VPS13B: variants seen among roughly 807,000 people sequenced by gnomAD.
VPS13B encodes the protein vacuolar protein sorting 13 homolog B.
A neutral mutation model predicts 426.4 loss-of-function variants in VPS13B; 285 were observed. The ratio of observed to expected loss-of-function variants is 0.67; its 90% CI spans 0.61 to 0.74. The LOEUF (loss-of-function observed/expected upper bound fraction) is 0.74. VPS13B is among the 30% of genes least tolerant of loss of function. The probability of loss-of-function intolerance (pLI) is 0.00; values close to 1 mark genes in which losing one functional copy is unlikely to be tolerated. For missense variants in VPS13B, 4,537 were observed against 4,782.6 expected (o/e 0.95, Z 1.51); for synonymous variants, 1,676 against 1,676.4 (o/e 1.00, Z 0.01).
chr8:99,344,518 T>G (rs1189459562), intron 19 of VPS13B, among the ~76,000 whole-genome samples: 1 of 152,202 alleles, frequency 6.6e-6, no homozygotes, highest in African/African-American at 2.4e-5. Flanking sequence ...TACTCTAAAG[T>G]AGCAGTACCA....
At chr8:99,514,286 T>C (rs1471522496) in intron 29 of VPS13B, among the ~76,000 whole-genome samples, 1 of 152,228 alleles carries the variant, frequency 6.6e-6, no homozygotes, top group East Asian at 1.9e-4. Context: ...TTCTCTTTTT[T>C]ATTGTGGTAA....
intron 22 of VPS13B, among the ~76,000 whole-genome samples, chr8:99,439,780 A>G (rs1181280872): frequency 6.6e-6 from 1 of 152,130 alleles, no homozygotes; most frequent in Non-Finnish European, 1.5e-5. Flanking sequence ...TTAATGGGTA[A>G]ATAAAACCTA....
chr8:99,375,238 A>G (rs1376178037), intron 19 of VPS13B, among the ~76,000 whole-genome samples: 3 of 152,046 alleles, frequency 2.0e-5, no homozygotes, highest in Admixed American at 6.5e-5. Context: ...CTTCTTATCA[A>G]CTTTCTTCTC....
intron 33 of VPS13B, among the ~76,000 whole-genome samples, chr8:99,589,074 G>C (rs1380161215): frequency 2.6e-5 from 4 of 151,710 alleles, no homozygotes; most frequent in Non-Finnish European, 5.9e-5. Flanking sequence ...TTTTGTCATT[G>C]GTTCTGTTTA....
intron 19 of VPS13B, among the ~76,000 whole-genome samples, chr8:99,335,778 A>C (rs563732623): frequency 6.6e-6 from 1 of 152,314 alleles, no homozygotes; most frequent in South Asian, 2.1e-4. Flanking sequence ...CTTCAAAGAG[A>C]ATAAAATACC....
At chr8:99,320,664 T>C (rs2133126501) in intron 19 of VPS13B, among the ~76,000 whole-genome samples, 1 of 152,344 alleles carries the variant, frequency 6.6e-6, no homozygotes, top group East Asian at 1.9e-4. Flanking sequence ...GCATTTAATC[T>C]GTAAATGCTG....
chr8:99,692,114 G>C (rs1270545186), intron 35 of VPS13B, among the ~76,000 whole-genome samples: 3 of 142,166 alleles, frequency 2.1e-5, no homozygotes, highest in Non-Finnish European at 4.6e-5. Context: ...ACACCCCACT[G>C]TCAACATTAG....
At chr8:99,196,144 A>G (rs1475684412) in intron 17 of VPS13B, among the ~76,000 whole-genome samples, 1 of 152,146 alleles carries the variant, frequency 6.6e-6, no homozygotes, top group African/African-American at 2.4e-5. Flanking sequence ...TTTGGGTAAT[A>G]TGGACATTTT....
chr8:99,201,112 C>G (rs569866080), intron 17 of VPS13B, among the ~76,000 whole-genome samples: 1 of 151,872 alleles, frequency 6.6e-6, no homozygotes, highest in African/African-American at 2.4e-5. Flanking sequence ...TTTCCTTTCT[C>G]TGTTTATCTT....
intron 2 of VPS13B, among the ~76,000 whole-genome samples, chr8:99,031,442 A>AG (rs754746452): frequency 6.6e-6 from 1 of 152,086 alleles, no homozygotes; most frequent in Non-Finnish European, 1.5e-5. Context: ...TATTCCTTTG[A>AG]GGTGTCATGT....
At chr8:99,527,028 AT>A in intron 30 of VPS13B, among the ~76,000 whole-genome samples, 1 of 152,156 alleles carries the variant, frequency 6.6e-6, no homozygotes, top group Non-Finnish European at 1.5e-5. Context: ...TTAAACGGAG[AT>A]CATTTAAAAA....
chr8:99,035,042 A>G (rs1161548389), intron 2 of VPS13B, among the ~76,000 whole-genome samples: 1 of 152,012 alleles, frequency 6.6e-6, no homozygotes, highest in Non-Finnish European at 1.5e-5. Flanking sequence ...CAAAAATTAA[A>G]AAAATTGGTT....
intron 21 of VPS13B, among the ~76,000 whole-genome samples, chr8:99,425,552 C>G (rs201860564): frequency 2.0e-5 from 3 of 152,114 alleles, no homozygotes; most frequent in Non-Finnish European, 4.4e-5. Context: ...ATTAGGTATT[C>G]ATGGGATGTA....
chr8:99,186,096 C>G (rs936886546), intron 16 of VPS13B, among the ~76,000 whole-genome samples: 2 of 152,028 alleles, frequency 1.3e-5, no homozygotes, highest in East Asian at 3.9e-4. Flanking sequence ...GTTTTTAAAC[C>G]TATTCTGTAA....
chr8:99,838,207 C>T (rs1815495876), intron 54 of VPS13B, among the ~76,000 whole-genome samples: 1 of 152,192 alleles, frequency 6.6e-6, no homozygotes, highest in Non-Finnish European at 1.5e-5. Context: ...GTTATTCAAC[C>T]AGAGACCTGA....
chr8:99,795,548 A>C (rs1162229120), intron 43 of VPS13B, among the ~76,000 whole-genome samples: 1 of 152,192 alleles, frequency 6.6e-6, no homozygotes, highest in Admixed American at 6.5e-5. Flanking sequence ...AATTACCCCA[A>C]AACTTGAGTA....
intron 61 of VPS13B, 91 bp from the exon 62 acceptor site, chr8:99,875,327 A>G (rs1817646039): frequency 6.4e-7 from 1 of 1,558,566 alleles, no homozygotes; most frequent in Admixed American, 1.7e-5. Flanking sequence ...AAAAGGCATA[A>G]TGTACAAATA....
At chr8:99,096,526 C>A (rs921368366) in intron 4 of VPS13B, 94 bp downstream of exon 4, 2 of 1,545,174 alleles carry the variant, frequency 1.3e-6, no homozygotes, top group African/African-American at 1.4e-5. Flanking sequence ...GGGGCTGAGG[C>A]GGGTGGATTA....
intron 35 of VPS13B, among the ~76,000 whole-genome samples, chr8:99,689,353 A>C (rs1831550343): frequency 6.6e-6 from 1 of 152,242 alleles, no homozygotes; most frequent in Admixed American, 6.5e-5. Flanking sequence ...CTCACAGCTC[A>C]CTGAACTATG....
Sources: allele counts gnomAD v4.1 joint callset (sites outside exome capture counted in the v4.1 genomes callset), GRCh38; gene constraint gnomAD v4.1.1; transcripts MANE v1.5; gene names NCBI Gene and HGNC (gene_info 2026-07-23, HGNC 2026-07-21).